The following SENP7 variants were observed in gnomAD, a reference collection of about 807,000 sequenced individuals.
The protein encoded by SENP7 is sentrin-specific protease 7.
SENP7 carries 64 observed loss-of-function variants against 141.2 expected under a neutral mutation model. That is an observed-to-expected ratio of 0.45 (90% confidence interval 0.37 to 0.56). The LOEUF (loss-of-function observed/expected upper bound fraction) is 0.56, where lower values mean the gene tolerates loss of function less well. SENP7 is among the 20% of genes least tolerant of loss of function. SENP7 has a pLI of 0.00. For missense variants in SENP7, 1,025 were observed against 1,212.2 expected (o/e 0.85, Z 2.29); for synonymous variants, 382 against 426.4 (o/e 0.90, Z 1.28).
chr3:101,408,573 G>C (rs1322549526), intron 5 of SENP7, among the ~76,000 whole-genome samples: 3 of 151,970 alleles, frequency 2.0e-5, no homozygotes, highest in Admixed American at 1.3e-4. Context: ...ATGTCAAAAA[G>C]ATAATCCACC....
At chr3:101,348,799 T>TAA (rs74452488) in intron 12 of SENP7, among the ~76,000 whole-genome samples, 41 of 143,520 alleles carry the variant, frequency 2.9e-4, no homozygotes, top group African/African-American at 4.6e-4. Context: ...AAAGAAACAT[T>TAA]AAAAAAAAAA....
intron 2 of SENP7, among the ~76,000 whole-genome samples, chr3:101,499,517 T>C (rs9880120): frequency 0.4 from 59,588 of 150,206 alleles, 12,352 homozygotes; most frequent in Admixed American, 0.54. Flanking sequence ...TACAGGCACC[T>C]GCCATCATGC....
At chr3:101,500,424 G>A (rs2065332385) in intron 2 of SENP7, among the ~76,000 whole-genome samples, 1 of 152,006 alleles carries the variant, frequency 6.6e-6, no homozygotes, top group Non-Finnish European at 1.5e-5. Flanking sequence ...GGTCATGGTG[G>A]CACATCCCTG....
At chr3:101,438,580 G>T (rs2062480325) in intron 4 of SENP7, among the ~76,000 whole-genome samples, 1 of 152,070 alleles carries the variant, frequency 6.6e-6, no homozygotes. Context: ...TATGTTAAGT[G>T]TATTTTACTA....
At chr3:101,502,225 T>C (rs4234490) in intron 1 of SENP7, among the ~76,000 whole-genome samples, 60,414 of 152,142 alleles carry the variant, frequency 0.4, 12,519 homozygotes, top group Admixed American at 0.54. Context: ...ACCTTGAACC[T>C]TGTTACCAGG....
intron 6 of SENP7, among the ~76,000 whole-genome samples, chr3:101,375,406 G>A (rs2060294342): frequency 6.6e-6 from 1 of 151,872 alleles, no homozygotes; most frequent in African/African-American, 2.4e-5. Flanking sequence ...AGCCAGGCGT[G>A]GTGGCGCACG....
At chr3:101,463,783 C>A (rs187979320) in intron 3 of SENP7, among the ~76,000 whole-genome samples, 32 of 151,832 alleles carry the variant, frequency 2.1e-4, no homozygotes, top group African/African-American at 7.5e-4. Context: ...GTTGAAATTA[C>A]CAGAAAAAAA....
chr3:101,468,232 T>C (rs1394570327), intron 3 of SENP7, among the ~76,000 whole-genome samples: 2 of 152,316 alleles, frequency 1.3e-5, no homozygotes, highest in South Asian at 2.1e-4. Flanking sequence ...CTACATTTGA[T>C]TGCTGTACCT....
At chr3:101,511,790 A>C (rs2065868378) in intron 1 of SENP7, among the ~76,000 whole-genome samples, 1 of 152,110 alleles carries the variant, frequency 6.6e-6, no homozygotes, top group African/African-American at 2.4e-5. Flanking sequence ...CTCCTAAATA[A>C]ATTTGGAATT....
intron 4 of SENP7, 26 bp from the exon 5 acceptor site, chr3:101,417,816 T>C (rs1264696379): frequency 6.6e-6 from 10 of 1,508,814 alleles, no homozygotes; most frequent in Non-Finnish European, 9.2e-6. Flanking sequence ...ATAATTAGTA[T>C]ATATGGTACT....
At chr3:101,389,199 G>T (rs1239401213) in intron 6 of SENP7, among the ~76,000 whole-genome samples, 1 of 152,124 alleles carries the variant, frequency 6.6e-6, no homozygotes, top group East Asian at 1.9e-4. Flanking sequence ...GTAGAGTGGT[G>T]CAATCCTAGC....
intron 2 of SENP7, 73 bp from the exon 3 acceptor site, chr3:101,494,041 T>C: frequency 1.2e-6 from 1 of 838,252 alleles, no homozygotes; most frequent in Admixed American, 1.9e-5. Context: ...ACAGAACCAC[T>C]ATACTACCCT....
chr3:101,379,099 T>C (rs1373257920), intron 6 of SENP7, among the ~76,000 whole-genome samples: 7 of 152,128 alleles, frequency 4.6e-5, no homozygotes, highest in Non-Finnish European at 1.0e-4. Flanking sequence ...GGTCAAATGA[T>C]TTTCAACAAG....
intron 3 of SENP7, among the ~76,000 whole-genome samples, chr3:101,460,754 C>T (rs1235798462): frequency 6.6e-6 from 1 of 152,006 alleles, no homozygotes; most frequent in Non-Finnish European, 1.5e-5. Context: ...AAAAGGCAAC[C>T]AACCCACCAA....
intron 4 of SENP7, among the ~76,000 whole-genome samples, chr3:101,431,872 G>A (rs1205313418): frequency 1.3e-5 from 2 of 151,914 alleles, no homozygotes; most frequent in African/African-American, 4.8e-5. Flanking sequence ...AAATACTAAA[G>A]AAGCAGTTTT....
At chr3:101,377,549 A>T (rs953173398) in intron 6 of SENP7, among the ~76,000 whole-genome samples, 1 of 152,180 alleles carries the variant, frequency 6.6e-6, no homozygotes, top group African/African-American at 2.4e-5. Context: ...CTCACAGTGA[A>T]TATCAGAAAA....
rs1021092011 is a variant in SENP7, at chr3:101,457,328, T to C, written c.284+1627A>G. 4.5e-5 allele frequency: 63 copies of C among 1,412,518 alleles called. 1 individual carries two copies. The highest frequency in any genetic ancestry group is 5.1e-5 in the Non-Finnish European group (51 of 1,006,250). 87.5% of individuals were successfully genotyped at this position (1,412,518 alleles called of 1,614,324 possible). A position where few individuals can be genotyped will look rare whatever the true frequency, so the allele number is the denominator to read the frequency against. On this transcript the variant is annotated intron_variant, in intron 4 of 23. Transcript: ENST00000394095. ...CATCATCCTCCCCAGTAGCAAGTGG[T>C]GCTTTTCCATCCATGGATTGTTTGG...
At chr3:101,399,128 G>A in intron 5 of SENP7, 73 bp from the exon 6 acceptor site, 1 of 988,236 alleles carries the variant, frequency 1.0e-6, no homozygotes, top group Non-Finnish European at 1.4e-6. Flanking sequence ...CCAGGAAGGT[G>A]AATTTTCAAT....
chr3:101,475,504 G>A (rs531285960), intron 3 of SENP7, among the ~76,000 whole-genome samples: 1 of 152,288 alleles, frequency 6.6e-6, no homozygotes, highest in Non-Finnish European at 1.5e-5. Context: ...GTTGAACAAT[G>A]AGAACACACT....
Sources: gnomAD v4.1 joint callset for allele counts (sites outside exome capture counted in the v4.1 genomes callset) on GRCh38, gnomAD v4.1.1 for gene constraint, MANE v1.5 for transcripts, NCBI Gene and HGNC (gene_info 2026-07-23, HGNC 2026-07-21) for gene names.